Variants in MARK4 observed in about 807,000 individuals in gnomAD.
MARK4 encodes microtubule affinity regulating kinase 4.
Under a neutral mutation model 81.5 loss-of-function variants are expected in MARK4, and 19 were observed. The ratio of observed to expected loss-of-function variants is 0.23; its 90% CI spans 0.16 to 0.34. MARK4 has a LOEUF of 0.34. Among genes scored for constraint, MARK4 ranks in the 10% least tolerant of loss-of-function variants. MARK4 has a pLI of 1.00. For synonymous variants in MARK4, 436 were observed against 439.0 expected (o/e 0.99, Z 0.08); for missense variants, 772 against 1,058.8 (o/e 0.73, Z 3.76).
intron 12 of MARK4, among the ~76,000 whole-genome samples, chr19:45,285,989 G>C (rs1045408428): frequency 1.3e-5 from 2 of 152,156 alleles, no homozygotes; most frequent in African/African-American, 4.8e-5. Flanking sequence ...CAGTGAAAAA[G>C]TCTTCATCCA....
At chr19:45,283,885 G>A (rs1490134230) in intron 12 of MARK4, among the ~76,000 whole-genome samples, 1 of 152,184 alleles carries the variant, frequency 6.6e-6, no homozygotes, top group African/African-American at 2.4e-5. Flanking sequence ...TCGTTTTACA[G>A]CCCTGCTTGT....
At position 45,304,395 on chromosome 19, in the gene MARK4, G is replaced by A. The variant is rs1352244448; in HGVS notation, c.*1685G>A. On this transcript the variant is annotated 3_prime_UTR_variant, in exon 17 of 17. Transcript: ENST00000262891. ...CTGCACTTAGTAGGGGTTCCTCAAAGGAAGGTCAAGTGTCATGAGCAGGAG... is the reference window on the plus strand; with the variant it reads ...CTGCACTTAGTAGGGGTTCCTCAAAAGAAGGTCAAGTGTCATGAGCAGGAG... 6.6e-6 allele frequency: 1 copy of A among 152,284 alleles called. No homozygotes were observed. The highest frequency in any genetic ancestry group is 1.9e-4 in the East Asian group (1 of 5,192). 9.4% of individuals were successfully genotyped at this position (152,284 alleles called of 1,614,324 possible).
chr19:45,254,773 C>T (rs751187346), intron 1 of MARK4, among the ~76,000 whole-genome samples: 1 of 152,248 alleles, frequency 6.6e-6, no homozygotes, highest in Non-Finnish European at 1.5e-5. Flanking sequence ...GTGACCTTCA[C>T]ATGGCACCTT....
chr19:45,285,420 C>T (rs1970729957), intron 12 of MARK4, among the ~76,000 whole-genome samples: 1 of 152,068 alleles, frequency 6.6e-6, no homozygotes, highest in South Asian at 2.1e-4. Flanking sequence ...AAAGTGGCTG[C>T]TGAAAGCCTG....
chr19:45,290,427 C>T (rs367902974), intron 13 of MARK4, among the ~76,000 whole-genome samples: 81 of 152,382 alleles, frequency 5.3e-4, no homozygotes, highest in African/African-American at 1.5e-3. Context: ...CCCACTGAAG[C>T]TTTGACCACA....
chr19:45,278,114 C>T, intron 9 of MARK4, 72 bp downstream of exon 9: 1 of 1,582,204 alleles, frequency 6.3e-7, no homozygotes, highest in South Asian at 1.1e-5. Flanking sequence ...CTGCCCCCAC[C>T]CACAAAAGCC....
chr19:45,296,093 G>A (rs1228085318), intron 14 of MARK4, among the ~76,000 whole-genome samples: 2 of 152,134 alleles, frequency 1.3e-5, no homozygotes, highest in Admixed American at 6.6e-5. Context: ...AGGCCACACA[G>A]CTGGTAAGTC....
Position 45,280,503 on chromosome 19 carries a change from C to T in MARK4, c.1116+20C>T, listed in dbSNP as rs111316762. The T allele has an allele frequency of 3.2e-5, 51 of 1,614,056 alleles. No individual in the cohort carries two copies. The Middle Eastern group carries it at 5.0e-4, about 16-fold the overall frequency. ...ACTGAGGTCAGGGGGCGCCAGGGGCCCTTGGGGACGCGTGATGCCTGGGTG... is the reference window on the plus strand; with the variant it reads ...ACTGAGGTCAGGGGGCGCCAGGGGCTCTTGGGGACGCGTGATGCCTGGGTG... On this transcript the variant is annotated intron_variant, in intron 11 of 16. Coordinates refer to ENST00000262891, the MANE Select transcript of MARK4 (RefSeq NM_001199867.2).
chr19:45,269,411 G>A (rs572257040), intron 7 of MARK4, among the ~76,000 whole-genome samples: 8 of 152,196 alleles, frequency 5.3e-5, no homozygotes, highest in African/African-American at 1.9e-4. Flanking sequence ...TAAGCCCCGA[G>A]CAAGCCAGAT....
In MARK4 at chr19:45,259,030, G is replaced by T; in HGVS notation, c.93G>T (p.Pro31=). 6.2e-7 allele frequency: 1 copy of T among 1,613,624 alleles called. No individual in the cohort carries two copies. Among genetic ancestry groups the T allele is most frequent in the Non-Finnish European group, 8.5e-7 (1 of 1,180,000 alleles). The change falls in exon 2 of 17, where the codon CCG becomes CCT. Residue 31 remains proline, a synonymous_variant. Transcript: ENST00000262891. ...GTGGCCGCTCCTCGGACAAAGGCCCGTCCTGGTCCAGCCGCTCACTGGGTG... is the reference window on the plus strand; with the variant it reads ...GTGGCCGCTCCTCGGACAAAGGCCCTTCCTGGTCCAGCCGCTCACTGGGTG... The part of the protein sequence containing the change: ...LGSGRSSDKG[P]SWSSRSLGAR...
intron 12 of MARK4, among the ~76,000 whole-genome samples, chr19:45,284,038 G>A (rs189298808): frequency 2.1e-4 from 32 of 150,758 alleles, no homozygotes; most frequent in African/African-American, 7.6e-4. Flanking sequence ...CTTTTTTTGA[G>A]ACAGAGTCTC....
intron 7 of MARK4, among the ~76,000 whole-genome samples, chr19:45,269,058 C>T (rs893844917): frequency 5.9e-5 from 9 of 152,064 alleles, no homozygotes; most frequent in Middle Eastern, 3.2e-3. Context: ...GGCTGGATTG[C>T]GGAGCCTCAA....
intron 13 of MARK4, among the ~76,000 whole-genome samples, chr19:45,293,914 G>A (rs1251821719): frequency 1.3e-5 from 2 of 152,194 alleles, no homozygotes; most frequent in African/African-American, 2.4e-5. Flanking sequence ...GTAGGAGTGA[G>A]TCAGGGGAAA....
intron 1 of MARK4, among the ~76,000 whole-genome samples, chr19:45,256,569 G>A (rs1428015862): frequency 6.6e-6 from 1 of 152,200 alleles, no homozygotes; most frequent in Non-Finnish European, 1.5e-5. Flanking sequence ...AGAATTTGGG[G>A]GCTGGAGAGG....
At chr19:45,299,612 C>T (rs1164470463) in intron 15 of MARK4, among the ~76,000 whole-genome samples, 199 bp from the exon 16 acceptor site, 3 of 152,134 alleles carry the variant, frequency 2.0e-5, no homozygotes, top group Non-Finnish European at 2.9e-5. Flanking sequence ...AGTATCTTTC[C>T]TGTGACCTGC....
intron 12 of MARK4, among the ~76,000 whole-genome samples, chr19:45,285,104 A>G (rs184962045): frequency 6.6e-6 from 1 of 151,552 alleles, no homozygotes; most frequent in African/African-American, 2.4e-5. Context: ...AAACAAAACA[A>G]AACAATTAGC....
chr19:45,286,109 G>A (rs1599796374), intron 12 of MARK4, among the ~76,000 whole-genome samples: 2 of 152,090 alleles, frequency 1.3e-5, no homozygotes, highest in African/African-American at 4.8e-5. Flanking sequence ...AGACTGGAGT[G>A]CAATGGTGTG....
intron 8 of MARK4, among the ~76,000 whole-genome samples, chr19:45,273,090 AATACTGTAAGGGGATGG>A (rs1970550735): frequency 6.8e-6 from 1 of 146,008 alleles, no homozygotes; most frequent in Non-Finnish European, 1.5e-5. Flanking sequence ...TGCTGGGGGG[AATACTGTAAGGGGATGG>A]GAGGTGTGGG....
chr19:45,264,540 T>C lies in MARK4; in HGVS notation c.356-144T>C, dbSNP rs189342128. The C allele has an allele frequency of 9.2e-6, 7 of 762,282 alleles. No individual in the cohort carries two copies. The African/African-American group carries it at 1.2e-4, about 13-fold the overall frequency. The allele number at this position is 762,282 out of a possible 1,614,324, so 47.2% of individuals were successfully genotyped here. ...GGGTGGTAGAGGGGGCTGAGGAGTT[T>C]GGAAAATCTTGCTGTCAGTAGGGAG... On this transcript the variant is annotated intron_variant, in intron 4 of 16. Coordinates refer to ENST00000262891, the MANE Select transcript of MARK4 (RefSeq NM_001199867.2).
Sources: allele counts gnomAD v4.1 joint callset (sites outside exome capture counted in the v4.1 genomes callset), GRCh38; gene constraint gnomAD v4.1.1; transcripts MANE v1.5; gene names NCBI Gene and HGNC (gene_info 2026-07-23, HGNC 2026-07-21).